Variants in GINS1 observed in about 807,000 individuals in gnomAD.
GINS1 encodes GINS complex subunit 1.
A neutral mutation model predicts 34.9 loss-of-function variants in GINS1; 26 were observed. The ratio of observed to expected loss-of-function variants is 0.74; its 90% confidence interval spans 0.55 to 1.03. The LOEUF (loss-of-function observed/expected upper bound fraction) is 1.03, where lower values mean the gene tolerates loss of function less well. GINS1 is among the 50% of genes least tolerant of loss of function. The pLI, the probability that GINS1 is intolerant of heterozygous loss-of-function variation, is 0.00. For missense variants in GINS1, 235 were observed against 237.9 expected (o/e 0.99, Z 0.08); for synonymous variants, 97 against 84.4 (o/e 1.15, Z -0.82).
At chr20:25,409,616 A>G (rs1308968314) in intron 1 of GINS1, among the ~76,000 whole-genome samples, 3 of 152,232 alleles carry the variant, frequency 2.0e-5, no homozygotes, top group Admixed American at 1.3e-4. Context: ...TAGCCAGACA[A>G]TTAGATTGTC....
In GINS1 at chr20:25,423,005, G is replaced by A. The variant is rs553228344; in HGVS notation, c.331-2206G>A. On this transcript the variant is annotated intron_variant, in intron 4 of 6. Coordinates refer to ENST00000262460, the MANE Select transcript of GINS1 (RefSeq NM_021067.5). ...TTGGTCAGGCTGGTCTTGAACTCCC[G>A]ACCTCAGGTGGTCCACCTGCCCCAG... is the stretch of plus-strand genomic sequence containing the variant. Among the ~76,000 whole-genome samples the A allele has an allele frequency of 6.6e-5, 10 of 152,218 alleles. No individual in the cohort carries two copies. In the East Asian group the frequency reaches 1.7e-3, roughly 26 times the overall value.
At chr20:25,429,892 A>T (rs2090417563) in intron 5 of GINS1, among the ~76,000 whole-genome samples, 1 of 152,110 alleles carries the variant, frequency 6.6e-6, no homozygotes, top group African/African-American at 2.4e-5. Context: ...CTTCTTAGTG[A>T]ACTTAGAGGA....
intron 5 of GINS1, among the ~76,000 whole-genome samples, chr20:25,436,634 C>T (rs781316379): frequency 1.4e-4 from 22 of 152,168 alleles, no homozygotes; most frequent in African/African-American, 1.9e-4. Flanking sequence ...TTCTCAGCTC[C>T]GGAATATCTT....
At position 25,445,945 on chromosome 20, in the gene GINS1, G is replaced by C. The variant is rs1345551546; in HGVS notation, c.545G>C (p.Cys182Ser). ...NSQHFLPRWK[C>S]EQLIRQGVLE... ...CAGCACTTTTTACCTCGATGGAAAT[G>C]TGAGCAGCTGATCAGACAAGGAGTC... Residue 182 changes from cysteine to serine, a missense_variant, in exon 7 of 7, where the codon TGT becomes TCT. Transcript: ENST00000262460. 6.2e-7 allele frequency: 1 copy of C among 1,610,870 alleles called. No individual in the cohort carries two copies.
At chr20:25,421,028 G>A in intron 4 of GINS1, 1 of 880,986 alleles carries the variant, frequency 1.1e-6, no homozygotes, top group Non-Finnish European at 1.4e-6. Flanking sequence ...AGGTCTGAAT[G>A]TCATCATAGG....
chr20:25,434,276 C>T (rs1172317843), intron 5 of GINS1, among the ~76,000 whole-genome samples: 2 of 151,656 alleles, frequency 1.3e-5, no homozygotes, highest in Non-Finnish European at 2.9e-5. Flanking sequence ...GAATGAGTCT[C>T]CACACCTCCC....
In GINS1 at chr20:25,435,623, T is replaced by C. The variant is rs180744622; in HGVS notation, c.448-6079T>C. 8.4e-3 allele frequency among the ~76,000 whole-genome samples: 1,271 copies of C among 151,754 alleles called. 9 individuals are homozygous for C. Among genetic ancestry groups the C allele is most frequent in the South Asian group, 0.044 (212 of 4,776 alleles). On this transcript the variant is annotated intron_variant, in intron 5 of 6. Transcript: ENST00000262460. ...AAATACAAAAATTAGCCGGGTGTGG[T>C]GGTGCACGCCTGTAATCCTAGCTAC...
intron 1 of GINS1, among the ~76,000 whole-genome samples, chr20:25,409,735 GT>G (rs1426965444): frequency 6.6e-6 from 1 of 152,170 alleles, no homozygotes; most frequent in Non-Finnish European, 1.5e-5. Context: ...AGGTTTTCCA[GT>G]TTCTAGTCAA....
intron 5 of GINS1, among the ~76,000 whole-genome samples, chr20:25,437,529 T>C (rs2090460459): frequency 6.6e-6 from 1 of 152,186 alleles, no homozygotes; most frequent in African/African-American, 2.4e-5. Context: ...AGTTCCAAAA[T>C]ACTGACGTCA....
In GINS1 at chr20:25,417,170, G is replaced by A; in HGVS notation, c.207G>A (p.Leu69=). 2 of 1,596,058 alleles carry A rather than the reference G, an allele frequency of 1.3e-6. No individual in the cohort carries two copies. The change falls in exon 3 of 7, where the codon CTG becomes CTA. Residue 69 remains leucine, a synonymous_variant. Coordinates refer to ENST00000262460, the MANE Select transcript of GINS1 (RefSeq NM_021067.5). ...IPTIKFRHCS[L]LRNRRCTVAY... ...CTATCAAATTTCGACACTGTTCTCT[G>A]TTAAGAAATCGACGCTGCACTGTAG...
chr20:25,417,871 G>T (rs2090330861), intron 3 of GINS1, among the ~76,000 whole-genome samples: 1 of 152,050 alleles, frequency 6.6e-6, no homozygotes, highest in Non-Finnish European at 1.5e-5. Flanking sequence ...AAAAAGGCGG[G>T]GGAAAGAAAG....
At chr20:25,410,676 C>G (rs2090278900) in intron 1 of GINS1, among the ~76,000 whole-genome samples, 1 of 152,062 alleles carries the variant, frequency 6.6e-6, no homozygotes, top group African/African-American at 2.4e-5. Flanking sequence ...ATTCTCCTGC[C>G]TCAGCTTCCC....
At chr20:25,443,173 A>T (rs1044100314) in intron 6 of GINS1, 9 of 152,204 alleles carry the variant, frequency 5.9e-5, no homozygotes, top group Non-Finnish European at 1.0e-4. Flanking sequence ...TTTTACTAAT[A>T]GTTGACTAAA....
intron 5 of GINS1, among the ~76,000 whole-genome samples, chr20:25,430,448 C>T (rs2090420637): frequency 6.6e-6 from 1 of 152,132 alleles, no homozygotes; most frequent in African/African-American, 2.4e-5. Context: ...CCTTGCATTC[C>T]AAAAATAAAT....
At position 25,407,875 on chromosome 20, in the gene GINS1, G is replaced by A. The variant is rs745627834; in HGVS notation, c.55G>A (p.Gly19Arg). ...CCGCGAGCTGCATCGCGCGCCCGAA[G>A]GGCAACTGCCTGCCTTCAACGTGAG... is the stretch of plus-strand genomic sequence containing the variant. ...LIRELHRAPE[G>R]QLPAFNEDGL... is the part of the protein sequence containing the mutation. Residue 19 changes from glycine to arginine, a missense_variant, in exon 1 of 7, where the codon GGG becomes AGG. Gly to Arg is a moderately radical substitution (Grantham distance 125, BLOSUM62 -2). Transcript: ENST00000262460. 1 of 1,613,754 alleles carries A rather than the reference G, an allele frequency of 6.2e-7. No individual in the cohort carries two copies. Among genetic ancestry groups the A allele is most frequent in the Non-Finnish European group, 8.5e-7 (1 of 1,179,716 alleles).
chr20:25,439,020 A>T (rs763740265), intron 5 of GINS1, among the ~76,000 whole-genome samples: 2 of 152,236 alleles, frequency 1.3e-5, no homozygotes, highest in Non-Finnish European at 2.9e-5. Context: ...GTAGCCCAAT[A>T]GTTTACAAAG....
chr20:25,422,004 T>C (rs2090358491), intron 4 of GINS1, among the ~76,000 whole-genome samples: 1 of 151,360 alleles, frequency 6.6e-6, no homozygotes, highest in Non-Finnish European at 1.5e-5. Context: ...ACAATGCAGT[T>C]TTTACCACCT....
intron 5 of GINS1, among the ~76,000 whole-genome samples, chr20:25,428,397 CT>C (rs544831869): frequency 0.02 from 1,335 of 66,454 alleles, 2 homozygotes; most frequent in African/African-American, 0.065. Context: ...AGCATAATTT[CT>C]TTTTTTTTTT....
intron 5 of GINS1, among the ~76,000 whole-genome samples, chr20:25,433,477 A>G (rs569949262): frequency 4.6e-5 from 7 of 152,274 alleles, no homozygotes; most frequent in African/African-American, 1.4e-4. Flanking sequence ...TACTTACAAT[A>G]CCTTATACAA....
Sources: allele counts gnomAD v4.1 joint callset (sites outside exome capture counted in the v4.1 genomes callset), GRCh38; gene constraint gnomAD v4.1.1; transcripts MANE v1.5; gene names NCBI Gene and HGNC (gene_info 2026-07-23, HGNC 2026-07-21).